Variants in SEMA5A observed in about 807,000 individuals in gnomAD.
SEMA5A encodes the protein semaphorin 5A.
SEMA5A carries 55 observed loss-of-function variants against 135.5 expected under a neutral mutation model. That is an observed-to-expected ratio of 0.41 (90% CI 0.33 to 0.51). The LOEUF (loss-of-function observed/expected upper bound fraction) is 0.51. Ranked by LOEUF, SEMA5A falls within the 20% of genes least tolerant of loss-of-function variation. The probability of loss-of-function intolerance (pLI) is 0.37; values close to 1 mark genes in which losing one functional copy is unlikely to be tolerated. For synonymous variants in SEMA5A, 580 were observed against 546.5 expected (o/e 1.06, Z -0.85); for missense variants, 1,290 against 1,419.9 (o/e 0.91, Z 1.47).
intron 11 of SEMA5A, among the ~76,000 whole-genome samples, chr5:9,178,090 G>C (rs1378111603): frequency 6.6e-6 from 1 of 152,066 alleles, no homozygotes; most frequent in East Asian, 1.9e-4. Flanking sequence ...AAAAAATTTA[G>C]TTGGTAAATG....
intron 13 of SEMA5A, among the ~76,000 whole-genome samples, chr5:9,126,814 A>AT (rs926056019): frequency 1.3e-5 from 2 of 152,208 alleles, no homozygotes; most frequent in African/African-American, 2.4e-5. Flanking sequence ...AATCTGAAAA[A>AT]TATCTCAAAG....
At position 9,506,657 on chromosome 5, in the gene SEMA5A, G is replaced by A. The variant is rs542774193; in HGVS notation, c.-175+38927C>T. Among the ~76,000 whole-genome samples, 3 of 152,240 alleles carry A rather than the reference G, an allele frequency of 2.0e-5. No homozygotes were observed. The East Asian group carries it at 5.8e-4, about 29-fold the overall frequency. ...TTCAATGCATCCCTTACAAATTGTG[G>A]GCAAAAATTGCAAATGGACATGTTA... On this transcript the variant is annotated intron_variant, in intron 1 of 22. Coordinates refer to ENST00000382496, the MANE Select transcript of SEMA5A (RefSeq NM_003966.3).
chr5:9,489,002 C>T (rs906594856), intron 1 of SEMA5A, among the ~76,000 whole-genome samples: 1 of 152,106 alleles, frequency 6.6e-6, no homozygotes, highest in Non-Finnish European at 1.5e-5. Flanking sequence ...TTTGTGGTTA[C>T]CTCCAGAGAG....
chr5:9,314,578 A>C (rs1165943606), intron 5 of SEMA5A, among the ~76,000 whole-genome samples: 1 of 152,102 alleles, frequency 6.6e-6, no homozygotes, highest in Non-Finnish European at 1.5e-5. Context: ...CGGCACTGTT[A>C]TAAGACCCTT....
rs531262856 is a variant in SEMA5A, at chr5:9,340,661, AT to A, written c.125-2850del. Among the ~76,000 whole-genome samples, 569 of 152,278 alleles carry A rather than the reference AT, an allele frequency of 3.7e-3. 6 individuals carry two copies. The highest frequency in any genetic ancestry group is 0.013 in the African/African-American group (547 of 41,564). On this transcript the variant is annotated intron_variant, in intron 3 of 22. Coordinates refer to ENST00000382496, the MANE Select transcript of SEMA5A (RefSeq NM_003966.3). ...CTGTCAATATTGTTCAAGTTTCCTTATTTGAAATTCTAATGAACTTTCCCAA... is the reference window on the plus strand; with the variant it reads ...CTGTCAATATTGTTCAAGTTTCCTTATTGAAATTCTAATGAACTTTCCCAA...
At chr5:9,231,357 C>T (rs1388938042) in intron 6 of SEMA5A, among the ~76,000 whole-genome samples, 1 of 147,606 alleles carries the variant, frequency 6.8e-6, no homozygotes, top group Non-Finnish European at 1.5e-5. Context: ...CCAGCTACTA[C>T]TCAAGAGACT....
intron 5 of SEMA5A, among the ~76,000 whole-genome samples, chr5:9,299,351 C>G (rs1751495985): frequency 6.6e-6 from 1 of 152,132 alleles, no homozygotes; most frequent in South Asian, 2.1e-4. Context: ...AGAAGATGTT[C>G]AGTGTCGAGC....
At chr5:9,497,880 G>A (rs1735383951) in intron 1 of SEMA5A, among the ~76,000 whole-genome samples, 1 of 152,154 alleles carries the variant, frequency 6.6e-6, no homozygotes, top group Non-Finnish European at 1.5e-5. Context: ...CTACTGCTTA[G>A]AGGAAGATTC....
At chr5:9,221,759 C>G (rs1240868686) in intron 8 of SEMA5A, among the ~76,000 whole-genome samples, 2 of 152,116 alleles carry the variant, frequency 1.3e-5, no homozygotes, top group Non-Finnish European at 2.9e-5. Flanking sequence ...CCCCGAGTGA[C>G]AAGAAGAGGT....
At chr5:9,133,576 T>C (rs1402781465) in intron 13 of SEMA5A, among the ~76,000 whole-genome samples, 1 of 152,174 alleles carries the variant, frequency 6.6e-6, no homozygotes, top group Non-Finnish European at 1.5e-5. Context: ...AGATATCACA[T>C]CTCAGCTTTA....
intron 5 of SEMA5A, among the ~76,000 whole-genome samples, chr5:9,242,247 G>C (rs934060665): frequency 6.6e-6 from 1 of 152,180 alleles, no homozygotes; most frequent in Non-Finnish European, 1.5e-5. Context: ...CAGTAACTTT[G>C]AGAGAGGACA....
At chr5:9,282,280 C>T (rs915584872) in intron 5 of SEMA5A, among the ~76,000 whole-genome samples, 5 of 151,934 alleles carry the variant, frequency 3.3e-5, no homozygotes, top group African/African-American at 1.2e-4. Context: ...TAGAAGAAAG[C>T]AAAATTTAAA....
At chr5:9,197,780 G>GTGTGTGTGTA (rs1402121195) in intron 9 of SEMA5A, among the ~76,000 whole-genome samples, 2,117 of 103,942 alleles carry the variant, frequency 0.02, 87 homozygotes, top group Admixed American at 0.027. Context: ...GTGTGTGTGT[G>GTGTGTGTGTA]TGTGTTTTAA....
chr5:9,346,510 G>A (rs1198950714), intron 3 of SEMA5A, among the ~76,000 whole-genome samples: 1 of 152,164 alleles, frequency 6.6e-6, no homozygotes, highest in African/African-American at 2.4e-5. Context: ...ATGCCCTCTG[G>A]GGTTTCAGGG....
In SEMA5A at chr5:9,457,950, C is replaced by T. The variant is rs1758905592; in HGVS notation, c.-174-20098G>A. ...TGAGACAGAGTCTCGCTCTGTCACC[C>T]AGGATGGAGTGCAGTGGCGCCATCT... On this transcript the variant is annotated intron_variant, in intron 1 of 22. Coordinates refer to ENST00000382496, the MANE Select transcript of SEMA5A (RefSeq NM_003966.3). Among the ~76,000 whole-genome samples, 3 of 134,652 alleles carry T rather than the reference C, an allele frequency of 2.2e-5. No individual in the cohort carries two copies. The South Asian group carries it at 7.3e-4, about 33-fold the overall frequency. 88.3% of individuals were successfully genotyped at this position (134,652 alleles called of 152,430 possible).
At chr5:9,328,423 C>T (rs765402299) in intron 4 of SEMA5A, among the ~76,000 whole-genome samples, 2 of 152,212 alleles carry the variant, frequency 1.3e-5, no homozygotes, top group African/African-American at 4.8e-5. Flanking sequence ...CTGGGCTCCT[C>T]AATGCCTTTA....
At chr5:9,130,414 T>A (rs1234465367) in intron 13 of SEMA5A, among the ~76,000 whole-genome samples, 1 of 152,198 alleles carries the variant, frequency 6.6e-6, no homozygotes, top group Non-Finnish European at 1.5e-5. Flanking sequence ...TGCTATGATA[T>A]CAACTAAGCA....
chr5:9,355,118 A>G (rs1754382427), intron 3 of SEMA5A, among the ~76,000 whole-genome samples: 1 of 152,204 alleles, frequency 6.6e-6, no homozygotes, highest in African/African-American at 2.4e-5. Context: ...TCTCTGTCAT[A>G]ACTACTCAAC....
intron 4 of SEMA5A, among the ~76,000 whole-genome samples, chr5:9,334,454 C>T (rs142114222): frequency 2.4e-4 from 36 of 152,316 alleles, no homozygotes; most frequent in African/African-American, 7.2e-4. Context: ...CTTTAGGTAG[C>T]GTCTGCCTGA....
Sources: allele counts gnomAD v4.1 joint callset (sites outside exome capture counted in the v4.1 genomes callset), GRCh38; gene constraint gnomAD v4.1.1; transcripts MANE v1.5; gene names NCBI Gene and HGNC (gene_info 2026-07-23, HGNC 2026-07-21).